The following HOMER1 variants were observed in gnomAD, a reference collection of about 807,000 sequenced individuals.
The protein encoded by HOMER1 is homer scaffold protein 1, also known as homer protein homolog 1.
A neutral mutation model predicts 48.9 loss-of-function variants in HOMER1; 3 were observed. The ratio of observed to expected loss-of-function variants is 0.06; its 90% CI spans 0.03 to 0.16. HOMER1 has a LOEUF of 0.16. Ranked by LOEUF, HOMER1 falls within the 10% of genes least tolerant of loss-of-function variation. HOMER1 has a pLI of 1.00. For synonymous variants in HOMER1, 134 were observed against 146.4 expected, an observed-to-expected ratio of 0.92 and a Z score of 0.61; for missense variants, 247 against 411.4, an observed-to-expected ratio of 0.60 and a Z score of 3.46.
At chr5:79,376,440 TTAC>T (rs1024516657) in intron 8 of HOMER1, among the ~76,000 whole-genome samples, 17 of 152,098 alleles carry the variant, frequency 1.1e-4, no homozygotes, top group Admixed American at 9.8e-4. Flanking sequence ...TACTGACTCA[TTAC>T]TTTGTGCCAG....
At chr5:79,486,352 CA>C (rs1487853834) in intron 1 of HOMER1, among the ~76,000 whole-genome samples, 1 of 152,006 alleles carries the variant, frequency 6.6e-6, no homozygotes, top group African/African-American at 2.4e-5. Context: ...GAACAATGTG[CA>C]AAGATCTTGA....
intron 5 of HOMER1, among the ~76,000 whole-genome samples, chr5:79,430,754 T>C (rs1750399357): frequency 1.3e-5 from 2 of 151,246 alleles, no homozygotes; most frequent in Non-Finnish European, 2.9e-5. Flanking sequence ...CTGGCCAACA[T>C]GGTGAAACCC....
At chr5:79,486,209 C>T (rs1039839529) in intron 1 of HOMER1, among the ~76,000 whole-genome samples, 3 of 152,200 alleles carry the variant, frequency 2.0e-5, no homozygotes, top group African/African-American at 7.2e-5. Flanking sequence ...GCCACCCCAG[C>T]CAATGCCATA....
chr5:79,474,505 C>T (rs2112330857), intron 1 of HOMER1, among the ~76,000 whole-genome samples: 1 of 152,148 alleles, frequency 6.6e-6, no homozygotes, highest in East Asian at 1.9e-4. Flanking sequence ...AAATAAACTC[C>T]CATTGGATCA....
chr5:79,444,701 T>C lies in HOMER1; in HGVS notation c.387+2352A>G, dbSNP rs79862880. On this transcript the variant is annotated intron_variant, in intron 4 of 8. Transcript: ENST00000334082. ...AAGTACAATGGCAAAGCTTAATCCA[T>C]CACACTTTTATTAAAATCCTTTGAG... is the stretch of plus-strand genomic sequence containing the variant. Among the ~76,000 whole-genome samples the C allele has an allele frequency of 8.4e-3, 1,278 of 152,302 alleles. 18 individuals carry two copies. Among genetic ancestry groups the C allele is most frequent in the African/African-American group, 0.029 (1,220 of 41,564 alleles).
chr5:79,460,325 T>C (rs12522783), intron 1 of HOMER1, among the ~76,000 whole-genome samples: 32,136 of 152,090 alleles, frequency 0.21, 3,735 homozygotes, highest in East Asian at 0.37. Flanking sequence ...TGCACACCTG[T>C]AGTCCCAGCT....
At chr5:79,448,802 T>C (rs943838991) in intron 3 of HOMER1, among the ~76,000 whole-genome samples, 1 of 152,134 alleles carries the variant, frequency 6.6e-6, no homozygotes, top group Non-Finnish European at 1.5e-5. Flanking sequence ...GATCAAAACA[T>C]TCTGAAGAGA....
Position 79,375,830 on chromosome 5 carries a change from C to T in HOMER1, c.*179G>A, listed in dbSNP as rs1561338930. On this transcript the variant is annotated 3_prime_UTR_variant, in exon 9 of 9. Transcript: ENST00000334082. ...TCTTTTTTCCCCAACTAGCTACAAG[C>T]TGGATTCTAAAATTTACAGTGAAAT... The T allele has an allele frequency of 2.5e-6, 1 of 407,588 alleles. No individual in the cohort carries two copies. Among genetic ancestry groups the T allele is most frequent in the South Asian group, 1.1e-4 (1 of 9,114 alleles). 25.2% of individuals were successfully genotyped at this position (407,588 alleles called of 1,614,324 possible).
chr5:79,503,431 G>A (rs1467192144), intron 1 of HOMER1, among the ~76,000 whole-genome samples: 5 of 150,804 alleles, frequency 3.3e-5, no homozygotes, highest in African/African-American at 9.7e-5. Context: ...TCAGGAGGCT[G>A]AGACAAGAGA....
At chr5:79,427,119 A>G (rs906731837) in intron 5 of HOMER1, among the ~76,000 whole-genome samples, 5 of 152,306 alleles carry the variant, frequency 3.3e-5, no homozygotes, top group Non-Finnish European at 5.9e-5. Context: ...CAAATCTTCT[A>G]TAATAAAAAC....
intron 5 of HOMER1, among the ~76,000 whole-genome samples, chr5:79,430,144 C>T (rs1272418879): frequency 6.6e-6 from 1 of 151,478 alleles, no homozygotes; most frequent in Non-Finnish European, 1.5e-5. Context: ...AGGTTAATAA[C>T]TAGAAATTAT....
At chr5:79,479,642 C>CG (rs1227060654) in intron 1 of HOMER1, among the ~76,000 whole-genome samples, 31 of 152,264 alleles carry the variant, frequency 2.0e-4, no homozygotes. Context: ...AAACTGCTTT[C>CG]GTACTTCTGA....
chr5:79,437,361 T>G (rs1750612869), intron 5 of HOMER1, among the ~76,000 whole-genome samples: 2 of 152,202 alleles, frequency 1.3e-5, no homozygotes, highest in Admixed American at 6.5e-5. Context: ...GAAGAAAATT[T>G]TTCCTTTCCT....
chr5:79,463,154 C>G (rs761095269), intron 1 of HOMER1, among the ~76,000 whole-genome samples: 6 of 152,180 alleles, frequency 3.9e-5, no homozygotes, highest in Non-Finnish European at 7.3e-5. Flanking sequence ...AACTGTTCTT[C>G]CTTGCTGCTC....
intron 1 of HOMER1, among the ~76,000 whole-genome samples, chr5:79,477,117 C>G (rs1751801544): frequency 6.6e-6 from 1 of 152,124 alleles, no homozygotes; most frequent in Admixed American, 6.5e-5. Flanking sequence ...ATTATAGAGT[C>G]TGTAACAAAG....
intron 1 of HOMER1, among the ~76,000 whole-genome samples, chr5:79,465,431 T>C (rs762527782): frequency 9.2e-5 from 14 of 152,078 alleles, no homozygotes; most frequent in Non-Finnish European, 1.8e-4. Context: ...AATAATTGTT[T>C]GCATTATAGT....
At chr5:79,471,992 T>TC (rs1399282799) in intron 1 of HOMER1, among the ~76,000 whole-genome samples, 2 of 152,176 alleles carry the variant, frequency 1.3e-5, no homozygotes, top group African/African-American at 4.8e-5. Context: ...CAGGACTCCC[T>TC]CTTCCCTTTA....
At chr5:79,463,666 T>C (rs190690381) in intron 1 of HOMER1, among the ~76,000 whole-genome samples, 2 of 152,344 alleles carry the variant, frequency 1.3e-5, no homozygotes, top group Admixed American at 1.3e-4. Flanking sequence ...CTGTAATTGG[T>C]GGCAGTTCAG....
chr5:79,418,043 T>C (rs1749991309), intron 5 of HOMER1, among the ~76,000 whole-genome samples: 1 of 152,230 alleles, frequency 6.6e-6, no homozygotes, highest in South Asian at 2.1e-4. Context: ...CAGTTTAAAT[T>C]TGTTTTTGAA....
Sources: gnomAD v4.1 joint callset for allele counts (sites outside exome capture counted in the v4.1 genomes callset) on GRCh38, gnomAD v4.1.1 for gene constraint, MANE v1.5 for transcripts, NCBI Gene and HGNC (gene_info 2026-07-23, HGNC 2026-07-21) for gene names.